The following CFAP44 variants were observed in gnomAD, a reference collection of about 807,000 sequenced individuals.
The protein encoded by CFAP44 is cilia and flagella associated protein 44.
CFAP44 carries 134 observed loss-of-function variants against 216.2 expected under a neutral mutation model. The ratio of observed to expected loss-of-function variants is 0.62; its 90% CI spans 0.54 to 0.72. The LOEUF (loss-of-function observed/expected upper bound fraction) is 0.72. CFAP44 is among the 30% of genes least tolerant of loss of function. The pLI is 0.00. For missense variants in CFAP44, 2,035 were observed against 2,182.1 expected, an observed-to-expected ratio of 0.93 and a Z score of 1.34; for synonymous variants, 700 against 727.6, an observed-to-expected ratio of 0.96 and a Z score of 0.61.
intron 15 of CFAP44, among the ~76,000 whole-genome samples, chr3:113,388,111 C>T (rs1933699603): frequency 6.6e-6 from 1 of 152,254 alleles, no homozygotes; most frequent in East Asian, 1.9e-4. Flanking sequence ...GCCTGACGAT[C>T]TCACCACCCT....
intron 34 of CFAP44, 129 bp from the exon 35 acceptor site, chr3:113,291,877 C>T (rs545371850): frequency 4.9e-6 from 5 of 1,024,414 alleles, no homozygotes; most frequent in East Asian, 2.6e-5. Flanking sequence ...TCCTTAATCT[C>T]GGGAGCCTTC....
Position 113,363,549 on chromosome 3 carries a change from A to T in CFAP44, c.2716-17T>A. On this transcript the variant is annotated splice_polypyrimidine_tract_variant and intron_variant, in intron 19 of 34. Transcript: ENST00000393845. ...AATTCCAAACTATAGGAAGGGAAGT[A>T]AAAGGTTAGCCCTTTAAAATTGCAT... is the stretch of plus-strand genomic sequence containing the variant. 6.3e-7 allele frequency: 1 copy of T among 1,599,850 alleles called. No individual in the cohort carries two copies. The highest frequency in any genetic ancestry group is 8.5e-7 in the Non-Finnish European group (1 of 1,172,954).
chr3:113,311,661 A>G (rs975050778), intron 28 of CFAP44, among the ~76,000 whole-genome samples: 10 of 152,144 alleles, frequency 6.6e-5, no homozygotes, highest in African/African-American at 2.4e-4. Context: ...TGTTGAACAG[A>G]TATCCAAAAA....
chr3:113,361,288 G>T, intron 21 of CFAP44: 1 of 220,238 alleles, frequency 4.5e-6, no homozygotes, highest in South Asian at 8.0e-5. Context: ...GTGCTTCAGA[G>T]GGTGAATATT....
intron 28 of CFAP44, 129 bp downstream of exon 28, chr3:113,326,316 C>A (rs1316358768): frequency 2.6e-6 from 2 of 784,050 alleles, no homozygotes; most frequent in African/African-American, 3.6e-5. Context: ...TCCTCTTTAG[C>A]CCCCACAGTG....
chr3:113,299,319 AC>A lies in CFAP44; in HGVS notation c.5078-2435del, dbSNP rs377209069. ...AAACAGGTACATGAAAAGGTGCTCA[AC>A]ATTGCTGATCGTCAGAAAAGTGCAA... On this transcript the variant is annotated intron_variant, in intron 32 of 34. Transcript: ENST00000393845. 5.6e-3 allele frequency among the ~76,000 whole-genome samples: 854 copies of A among 152,332 alleles called. 5 individuals carry two copies. Among genetic ancestry groups the A allele is most frequent in the African/African-American group, 0.019 (799 of 41,572 alleles).
chr3:113,417,178 G>C (rs1934670780), intron 5 of CFAP44: 1 of 152,174 alleles, frequency 6.6e-6, no homozygotes. Context: ...ATTTTGTATA[G>C]AAAAATTCAT....
Position 113,291,620 on chromosome 3 carries a change from G to T in CFAP44, c.5502C>A (p.Gly1834=). The change falls in exon 35 of 35, where the codon GGC becomes GGA. Residue 1834 remains glycine (G), a synonymous_variant. Transcript: ENST00000393845. ...KEEIALLRRK[G]SLILPPIQSP... ...ACTGAATGGGTGGGAGGATAAGACT[G>T]CCTTTCCTACGCAAAAGAGCAATCT... 1 of 1,537,234 alleles carries T rather than the reference G, an allele frequency of 6.5e-7. No individual in the cohort carries two copies. Among genetic ancestry groups the T allele is most frequent in the Non-Finnish European group, 8.7e-7 (1 of 1,146,912 alleles).
chr3:113,298,127 C>T (rs1009063968), intron 32 of CFAP44, among the ~76,000 whole-genome samples: 1 of 152,230 alleles, frequency 6.6e-6, no homozygotes, highest in Non-Finnish European at 1.5e-5. Flanking sequence ...CAGCTAGCCC[C>T]ACCCCCATAC....
chr3:113,350,205 AG>A (rs575871750), intron 22 of CFAP44, among the ~76,000 whole-genome samples: 88 of 152,274 alleles, frequency 5.8e-4, no homozygotes, highest in African/African-American at 2.1e-3. Flanking sequence ...AGAGACAGAG[AG>A]ACAAAGACAG....
intron 33 of CFAP44, 34 bp downstream of exon 33, chr3:113,296,691 T>G: frequency 6.5e-7 from 1 of 1,529,488 alleles, no homozygotes; most frequent in Non-Finnish European, 8.8e-7. Context: ...TCCAGCCAGA[T>G]TCAACCAAAG....
intron 28 of CFAP44, among the ~76,000 whole-genome samples, chr3:113,320,507 G>T (rs1950135609): frequency 8.1e-6 from 1 of 123,078 alleles, no homozygotes; most frequent in African/African-American, 2.9e-5. Context: ...TATATATCTA[G>T]ATATACAGTA....
chr3:113,396,721 A>G lies in CFAP44; in HGVS notation c.1576T>C (p.Phe526Leu), dbSNP rs1237914296. The change falls in exon 14 of 35, where the codon TTC becomes CTC. Residue 526 changes from phenylalanine (F) to leucine (L), a missense_variant. Physicochemically the swap from Phe to Leu is conservative, Grantham distance 22. Coordinates refer to ENST00000393845, the MANE Select transcript of CFAP44 (RefSeq NM_001164496.2). ...CCTACAATAATTTGTGCTCCAGTGAAGTTTACCTTGGAGAAAATTAAAGAT... is the reference window on the plus strand; with the variant it reads ...CCTACAATAATTTGTGCTCCAGTGAGGTTTACCTTGGAGAAAATTAAAGAT... ...ALVWVPRMVN[F>L]TGAQIIVGFE... 1.9e-6 allele frequency: 3 copies of G among 1,613,454 alleles called. No individual in the cohort carries two copies. Among genetic ancestry groups the G allele is most frequent in the Non-Finnish European group, 2.5e-6 (3 of 1,179,700 alleles).
intron 15 of CFAP44, among the ~76,000 whole-genome samples, chr3:113,394,607 A>C (rs377380720): frequency 1.1e-3 from 175 of 152,264 alleles, no homozygotes; most frequent in African/African-American, 4.0e-3. Flanking sequence ...AATTCACAAC[A>C]CACATTCTCT....
At chr3:113,373,301 G>T in intron 18 of CFAP44, 110 bp downstream of exon 18, 1 of 1,071,816 alleles carries the variant, frequency 9.3e-7, no homozygotes, top group Non-Finnish European at 1.2e-6. Context: ...TATTTTTTGA[G>T]TACCCCTTCA....
chr3:113,388,749 C>T (rs764160475), intron 15 of CFAP44, among the ~76,000 whole-genome samples: 37 of 152,084 alleles, frequency 2.4e-4, no homozygotes, highest in Non-Finnish European at 3.8e-4. Context: ...ATTACACTTA[C>T]ATCAGACAAA....
chr3:113,439,223 T>C (rs560865916), intron 1 of CFAP44, among the ~76,000 whole-genome samples: 2 of 152,118 alleles, frequency 1.3e-5, no homozygotes, highest in Admixed American at 6.5e-5. Flanking sequence ...GTTGTAAAAG[T>C]TGTCAGAATT....
intron 15 of CFAP44, among the ~76,000 whole-genome samples, 192 bp downstream of exon 15, chr3:113,395,558 C>T (rs1933966379): frequency 6.6e-6 from 1 of 152,162 alleles, no homozygotes; most frequent in East Asian, 1.9e-4. Context: ...GAGGAGAGAG[C>T]AAGGCTCCTG....
intron 28 of CFAP44, among the ~76,000 whole-genome samples, chr3:113,321,712 T>C (rs1038649933): frequency 1.3e-5 from 2 of 152,196 alleles, no homozygotes; most frequent in Non-Finnish European, 2.9e-5. Context: ...AGCATTTCTA[T>C]ACATCAATAA....
Sources: gnomAD v4.1 joint callset for allele counts (sites outside exome capture counted in the v4.1 genomes callset) on GRCh38, gnomAD v4.1.1 for gene constraint, MANE v1.5 for transcripts, NCBI Gene and HGNC (gene_info 2026-07-23, HGNC 2026-07-21) for gene names.